EIF3B: variants seen among roughly 807,000 people sequenced by gnomAD.
The protein encoded by EIF3B is eukaryotic translation initiation factor 3 subunit 9.
A neutral mutation model predicts 104.6 loss-of-function variants in EIF3B; 10 were observed. The ratio of observed to expected loss-of-function variants is 0.10; its 90% CI spans 0.06 to 0.16. The LOEUF is 0.16. Among genes scored for constraint, EIF3B ranks in the 10% least tolerant of loss-of-function variants. EIF3B has a pLI of 1.00. For synonymous variants in EIF3B, 542 were observed against 417.2 expected (o/e 1.30, Z -3.65); for missense variants, 1,014 against 1,087.9 (o/e 0.93, Z 0.96).
chr7:2,375,108 A>G lies in EIF3B; in HGVS notation c.1890-281A>G, dbSNP rs531377839. Reference sequence around the variant, plus strand: ...TTTTGTTGCTGCTCTCCCTTGCTTCATTGTCCACACTTGCTACTGTATTTT... The same window carrying G: ...TTTTGTTGCTGCTCTCCCTTGCTTCGTTGTCCACACTTGCTACTGTATTTT... On this transcript the variant is annotated intron_variant, in intron 13 of 18. Transcript: ENST00000360876. 23 of 471,694 alleles carry G rather than the reference A, an allele frequency of 4.9e-5. No homozygotes were observed. The East Asian group carries it at 7.7e-4, about 16-fold the overall frequency. 29.2% of individuals were successfully genotyped at this position (471,694 alleles called of 1,614,324 possible). A position where few individuals can be genotyped will look rare whatever the true frequency, so the allele number is the denominator to read the frequency against.
At position 2,369,600 on chromosome 7, in the gene EIF3B, A is replaced by G. The variant is rs758489172; in HGVS notation, c.1532A>G (p.Asn511Ser). 14 of 1,613,924 alleles carry G rather than the reference A, an allele frequency of 8.7e-6. No homozygotes were observed. Among genetic ancestry groups the G allele is most frequent in the Non-Finnish European group, 9.3e-6 (11 of 1,180,018 alleles). The change falls in exon 10 of 19, where the codon AAT (asparagine) becomes AGT (serine). Residue 511 changes from asparagine (N) to serine (S), a missense_variant. Physicochemically the swap from Asn to Ser is conservative, Grantham distance 46. Transcript: ENST00000360876. ...RQEIRVRNLF[N>S]VVDCKLHWQK... ...GAGATCCGAGTGAGGAACCTGTTCA[A>G]TGTGGTGGACTGCAAGCTCCATTGG... is the stretch of plus-strand genomic sequence containing the variant.
intron 1 of EIF3B, among the ~76,000 whole-genome samples, chr7:2,357,536 G>A (rs1004597027): frequency 1.3e-5 from 2 of 152,164 alleles, no homozygotes; most frequent in Non-Finnish European, 2.9e-5. Flanking sequence ...TACTTTTTTG[G>A]TACAGATTAG....
In EIF3B at chr7:2,380,229, G is replaced by A. The variant is rs961886574; in HGVS notation, c.*40G>A. On this transcript the variant is annotated 3_prime_UTR_variant, in exon 19 of 19. Transcript: ENST00000360876. The stretch of plus-strand genomic sequence containing the variant: ...GGGACGGACTCCGCCTGCTGTTCCC[G>A]CGCTGAGCTACAGGACTCCCGAGTG... 12 of 422,180 alleles carry A rather than the reference G, an allele frequency of 2.8e-5. No individual in the cohort carries two copies. Among genetic ancestry groups the A allele is most frequent in the Admixed American group, 7.9e-5 (3 of 37,940 alleles). 26.2% of individuals were successfully genotyped at this position (422,180 alleles called of 1,614,324 possible). A position where few individuals can be genotyped will look rare whatever the true frequency, so the allele number is the denominator to read the frequency against.
chr7:2,371,352 G>T (rs1427649213), intron 10 of EIF3B, among the ~76,000 whole-genome samples: 1 of 152,214 alleles, frequency 6.6e-6, no homozygotes, highest in African/African-American at 2.4e-5. Context: ...TTTTCCCTCA[G>T]ACTCCTCGAG....
At chr7:2,375,082 C>A in intron 13 of EIF3B, 1 of 422,092 alleles carries the variant, frequency 2.4e-6, no homozygotes, top group Non-Finnish European at 4.3e-6. Context: ...AAAGAATACC[C>A]TTTTGTTGCT....
chr7:2,372,601 A>T (rs1411669639), intron 11 of EIF3B, 72 bp from the exon 12 acceptor site: 25 of 1,540,722 alleles, frequency 1.6e-5, no homozygotes, highest in Non-Finnish European at 2.0e-5. Context: ...TGAATAGTGA[A>T]CATTTTAACT....
In EIF3B at chr7:2,354,981, C is replaced by T; in HGVS notation, c.60C>T (p.Gly20=). The part of the protein sequence containing the change: ...PEAAEERAEP[G]QQQPAAEPPP... ...CGGCCGAGGAGCGCGCCGAGCCCGG[C>T]CAGCAGCAGCCGGCCGCCGAGCCGC... The change falls in exon 1 of 19, where the codon GGC becomes GGT. Residue 20 remains glycine, a synonymous_variant. Coordinates refer to ENST00000360876, the MANE Select transcript of EIF3B (RefSeq NM_001037283.2). The T allele has an allele frequency of 8.5e-7, 1 of 1,172,310 alleles. No homozygotes were observed. The highest frequency in any genetic ancestry group is 1.0e-6 in the Non-Finnish European group (1 of 953,334). 72.6% of individuals were successfully genotyped at this position (1,172,310 alleles called of 1,614,324 possible).
chr7:2,355,270 T>C lies in EIF3B; in HGVS notation c.349T>C (p.Ser117Pro), dbSNP rs780646611. ...APGEQARDER[S>P]DSRAQAVSED... is the part of the protein sequence containing the mutation. ...AGGAGAGCAGGCTCGGGACGAGCGC[T>C]CCGACAGCCGGGCCCAGGCGGTGTC... The change falls in exon 1 of 19, where the codon TCC (serine) becomes CCC (proline). Residue 117 changes from serine (S) to proline (P), a missense_variant. By Grantham distance (74) the Ser-to-Pro change is moderately conservative (BLOSUM62 -1). Transcript: ENST00000360876. 65 of 1,532,004 alleles carry C rather than the reference T, an allele frequency of 4.2e-5. No individual in the cohort carries two copies. Among genetic ancestry groups the C allele is most frequent in the Middle Eastern group, 1.9e-4 (1 of 5,324 alleles). The allele number at this position is 1,532,004 out of a possible 1,614,324, so 94.9% of individuals were successfully genotyped here. A position where few individuals can be genotyped will look rare whatever the true frequency, so the allele number is the denominator to read the frequency against.
At chr7:2,379,782 G>C (rs1780896219) in intron 18 of EIF3B, 1 of 450,474 alleles carries the variant, frequency 2.2e-6, no homozygotes, top group Admixed American at 3.8e-5. Flanking sequence ...GTGCCAGGAA[G>C]AGGAGGGTGG....
At chr7:2,367,968 A>G (rs1339904697) in intron 9 of EIF3B, among the ~76,000 whole-genome samples, 1 of 147,618 alleles carries the variant, frequency 6.8e-6, no homozygotes, top group Non-Finnish European at 1.5e-5. Context: ...TTAGACTCCC[A>G]AGTAGCTGGG....
intron 9 of EIF3B, among the ~76,000 whole-genome samples, chr7:2,367,886 G>C (rs1321492087): frequency 8.1e-6 from 1 of 123,734 alleles, no homozygotes; most frequent in Non-Finnish European, 1.6e-5. Flanking sequence ...CTGTCTTGCA[G>C]GCTGGTGTAG....
At position 2,380,334 on chromosome 7, in the gene EIF3B, C is replaced by T. The variant is rs1220503026; in HGVS notation, c.*145C>T. The T allele has an allele frequency of 5.8e-6, 3 of 518,338 alleles. No individual in the cohort carries two copies. The highest frequency in any genetic ancestry group is 1.9e-5 in the African/African-American group (1 of 51,976). The allele number at this position is 518,338 out of a possible 1,614,324, so 32.1% of individuals were successfully genotyped here. A position where few individuals can be genotyped will look rare whatever the true frequency, so the allele number is the denominator to read the frequency against. On this transcript the variant is annotated 3_prime_UTR_variant, in exon 19 of 19. Coordinates refer to ENST00000360876, the MANE Select transcript of EIF3B (RefSeq NM_001037283.2). Reference sequence around the variant, plus strand: ...GTCCTGCAGGAAGCCGCGTGACTCCCGCCTCCTCCCTGTGCTCTCTGGCTC... The same window carrying T: ...GTCCTGCAGGAAGCCGCGTGACTCCTGCCTCCTCCCTGTGCTCTCTGGCTC...
In EIF3B at chr7:2,354,874, C is replaced by G. The variant is rs570441154; in HGVS notation, c.-48C>G. On this transcript the variant is annotated 5_prime_UTR_variant, in exon 1 of 19. Transcript: ENST00000360876. ...GGCGCGCGGTGCGGCCTGGGAGAGTCGGAAGCGCGGCGGCCGCGGAGCCCT... is the reference window on the plus strand; with the variant it reads ...GGCGCGCGGTGCGGCCTGGGAGAGTGGGAAGCGCGGCGGCCGCGGAGCCCT... 1.8e-6 allele frequency: 2 copies of G among 1,128,076 alleles called. No individual in the cohort carries two copies. Among genetic ancestry groups the G allele is most frequent in the African/African-American group, 3.3e-5 (2 of 60,324 alleles). The allele number at this position is 1,128,076 out of a possible 1,614,324, so 69.9% of individuals were successfully genotyped here.
intron 12 of EIF3B, chr7:2,373,469 A>C (rs1379104683): frequency 6.6e-6 from 1 of 152,306 alleles, no homozygotes; most frequent in African/African-American, 2.4e-5. Flanking sequence ...TCTGGCTGCC[A>C]GCTGCCCTCC....
intron 1 of EIF3B, 32 bp downstream of exon 1, chr7:2,355,452 G>A (rs1273969036): frequency 9.2e-6 from 13 of 1,411,930 alleles, no homozygotes; most frequent in Non-Finnish European, 1.1e-5. Flanking sequence ...CTGGCGAGCG[G>A]CGCGGGAGCG....
intron 1 of EIF3B, among the ~76,000 whole-genome samples, chr7:2,357,499 T>A (rs781485812): frequency 6.6e-6 from 1 of 152,212 alleles, no homozygotes; most frequent in Non-Finnish European, 1.5e-5. Flanking sequence ...AGGCCAGAGG[T>A]GGCCTGGAGT....
Position 2,380,519 on chromosome 7 carries a change from G to A in EIF3B, c.*330G>A, listed in dbSNP as rs191639027. ...GCGTTGGCTCCGAAGACTTAGCGAC[G>A]CCACTGGCGGCACCTTCTCCTGCGC... On this transcript the variant is annotated 3_prime_UTR_variant, in exon 19 of 19. Coordinates refer to ENST00000360876, the MANE Select transcript of EIF3B (RefSeq NM_001037283.2). 2.4e-3 allele frequency: 1,041 copies of A among 434,678 alleles called. 21 individuals are homozygous for A. The highest frequency in any genetic ancestry group is 0.015 in the South Asian group (881 of 58,132). 26.9% of individuals were successfully genotyped at this position (434,678 alleles called of 1,614,324 possible). A position where few individuals can be genotyped will look rare whatever the true frequency, so the allele number is the denominator to read the frequency against.
Position 2,375,456 on chromosome 7 carries a change from A to G in EIF3B, c.1957A>G (p.Met653Val), listed in dbSNP as rs962331607. The G allele has an allele frequency of 6.2e-7, 1 of 1,614,140 alleles. No homozygotes were observed. Among genetic ancestry groups the G allele is most frequent in the Non-Finnish European group, 8.5e-7 (1 of 1,180,018 alleles). The change falls in exon 14 of 19, where the codon ATG (methionine) becomes GTG (valine). Residue 653 changes from methionine to valine, a missense_variant. Physicochemically the swap from Met to Val is conservative, Grantham distance 21. Around this residue, in one of 4 missense-constraint regions of EIF3B, gnomAD observed 266 missense variants for 324.0 expected, o/e 0.82. Transcript: ENST00000360876. ...GGTCATGAACATCGCAGAGCACTAC[A>G]TGGCTTCCGACGTCGAATGGGATCC... ...CTVMNIAEHYMASDVEWDPTG... is the reference protein window; with the variant it reads ...CTVMNIAEHYVASDVEWDPTG...
Position 2,355,416 on chromosome 7 carries a change from G to C in EIF3B, c.495G>C (p.Glu165Asp), listed in dbSNP as rs1779357789. ...DPEDFVDDVS[E>D]EELLGDVLKD... ...AGGACTTCGTGGACGACGTGAGCGA[G>C]GAAGGTGAGGGCGCCCGGGGCGGGG... Residue 165 changes from glutamate (E) to aspartate (D), a missense_variant, in exon 1 of 19, where the codon GAG (glutamate) becomes GAC (aspartate). Glu to Asp is a conservative substitution (Grantham distance 45, BLOSUM62 2). Coordinates refer to ENST00000360876, the MANE Select transcript of EIF3B (RefSeq NM_001037283.2). 1 of 1,451,616 alleles carries C rather than the reference G, an allele frequency of 6.9e-7. No homozygotes were observed. The highest frequency in any genetic ancestry group is 9.1e-7 in the Non-Finnish European group (1 of 1,101,438). 89.9% of individuals were successfully genotyped at this position (1,451,616 alleles called of 1,614,324 possible).
Sources: allele counts gnomAD v4.1 joint callset (sites outside exome capture counted in the v4.1 genomes callset), GRCh38; gene constraint gnomAD v4.1.1; regional missense constraint gnomAD v4.1.1; transcripts MANE v1.5; gene names NCBI Gene and HGNC (gene_info 2026-07-23, HGNC 2026-07-21).